The following LYZL2 variants were observed in gnomAD, a reference collection of about 807,000 sequenced individuals.
The protein encoded by LYZL2 is lysozyme-like protein 2.
A neutral mutation model predicts 17.1 loss-of-function variants in LYZL2; 13 were observed. The ratio of observed to expected loss-of-function variants is 0.76; its 90% CI spans 0.49 to 1.21. LYZL2 has a LOEUF of 1.21. Among genes scored for constraint, LYZL2 ranks in the 50% most tolerant of loss-of-function variants. The probability of loss-of-function intolerance (pLI) is 0.00; values close to 1 mark genes in which losing one functional copy is unlikely to be tolerated. For synonymous variants in LYZL2, 63 were observed against 74.4 expected (o/e 0.85, Z 0.79); for missense variants, 166 against 189.2 (o/e 0.88, Z 0.72).
At chr10:30,612,795 C>T in intron 4 of LYZL2, 27 bp downstream of exon 4, 1 of 1,461,316 alleles carries the variant, frequency 6.8e-7, no homozygotes, top group Non-Finnish European at 9.1e-7. Context: ...CCATGACAGC[C>T]CAAGTCTTCC....
intron 3 of LYZL2, among the ~76,000 whole-genome samples, chr10:30,615,327 A>G (rs551043508): frequency 2.3e-4 from 35 of 152,354 alleles, no homozygotes; most frequent in Admixed American, 1.3e-3. Flanking sequence ...TGCAAAATCT[A>G]CAAAAGTTGA....
chr10:30,610,425 C>T (rs1472999399), downstream of LYZL2, among the ~76,000 whole-genome samples: 3 of 152,088 alleles, frequency 2.0e-5, no homozygotes, highest in Non-Finnish European at 2.9e-5. Context: ...CCATCATCCT[C>T]AGCACACTAA....
intron 3 of LYZL2, among the ~76,000 whole-genome samples, chr10:30,615,625 A>T (rs61846093): frequency 0.01 from 1,586 of 152,324 alleles, 27 homozygotes; most frequent in African/African-American, 0.036. Flanking sequence ...TCATTTCCCA[A>T]TGTATAAATA....
At chr10:30,607,167 C>T (rs76212443), downstream of LYZL2, among the ~76,000 whole-genome samples, 14 of 5,842 alleles carry the variant, frequency 2.4e-3, no homozygotes, top group African/African-American at 0.012. Context: ...CCGCCTTGGC[C>T]TCCCAAAGTG....
chr10:30,620,707 A>C (rs1439652799), intron 3 of LYZL2, among the ~76,000 whole-genome samples: 1 of 152,256 alleles, frequency 6.6e-6, no homozygotes, highest in East Asian at 1.9e-4. Flanking sequence ...TTAGCTGATA[A>C]GAAATTTAAA....
intron 3 of LYZL2, among the ~76,000 whole-genome samples, chr10:30,621,588 C>G (rs1564409033): frequency 6.6e-6 from 1 of 151,882 alleles, no homozygotes; most frequent in Non-Finnish European, 1.5e-5. Flanking sequence ...GACCCTGTCT[C>G]AAAACAACAA....
intron 2 of LYZL2, 31 bp downstream of exon 2, chr10:30,626,746 C>T (rs1346667411): frequency 6.2e-7 from 1 of 1,613,502 alleles, no homozygotes; most frequent in Non-Finnish European, 8.5e-7. Flanking sequence ...AGGTCAAGGA[C>T]AGAAAGAGAG....
At chr10:30,628,825 G>A (rs1326719238) in intron 1 of LYZL2, among the ~76,000 whole-genome samples, 1 of 152,204 alleles carries the variant, frequency 6.6e-6, no homozygotes, top group Admixed American at 6.5e-5. Flanking sequence ...TGCATGAGGG[G>A]CATGTACATT....
At chr10:30,615,191 A>G (rs1251278566) in intron 3 of LYZL2, among the ~76,000 whole-genome samples, 1 of 152,238 alleles carries the variant, frequency 6.6e-6, no homozygotes, top group Non-Finnish European at 1.5e-5. Flanking sequence ...AGAGAGTGGA[A>G]TATTATTCAG....
downstream of LYZL2, among the ~76,000 whole-genome samples, chr10:30,611,577 AAG>A (rs1487530645): frequency 3.5e-5 from 4 of 115,010 alleles, no homozygotes; most frequent in African/African-American, 1.4e-4. Context: ...GAAGGAAAGA[AAG>A]AAAGAAAGAA....
chr10:30,611,575 GAAAGAAAGAAAGAAAGAAAGAAA>G (rs1838438747), downstream of LYZL2, among the ~76,000 whole-genome samples: 2 of 97,750 alleles, frequency 2.0e-5, no homozygotes, highest in African/African-American at 8.9e-5. Context: ...AGGAAGGAAA[GAAAGAAAGAAAGAAAGAAAGAAA>G]GAAAGAAAGA....
At chr10:30,621,273 C>T (rs1033055569) in intron 3 of LYZL2, among the ~76,000 whole-genome samples, 3 of 152,116 alleles carry the variant, frequency 2.0e-5, no homozygotes, top group Admixed American at 2.0e-4. Flanking sequence ...AGCCAGAAAG[C>T]AACCGAATAT....
chr10:30,606,800 T>A (rs1395700904), downstream of LYZL2, among the ~76,000 whole-genome samples: 1 of 152,118 alleles, frequency 6.6e-6, no homozygotes, highest in Non-Finnish European at 1.5e-5. Flanking sequence ...GGAGCTACAG[T>A]AAGGGCATGT....
intron 3 of LYZL2, among the ~76,000 whole-genome samples, chr10:30,614,188 C>T (rs1425539067): frequency 1.3e-5 from 2 of 152,216 alleles, no homozygotes; most frequent in Non-Finnish European, 2.9e-5. Context: ...AAGTTGAGTC[C>T]TCCAGGAGCT....
At position 30,612,048 on chromosome 10, in the gene LYZL2, G is replaced by A. The variant is rs1377150687; in HGVS notation, c.378-24C>T. On this transcript the variant is annotated intron_variant, in intron 4 of 4. Coordinates refer to ENST00000647634, the MANE Select transcript of LYZL2 (RefSeq NM_183058.3). ...GCCTGAGGACGAGAGGGAAGCAAGA[G>A]CAGCAGAAAGAAGCGTGACAATCCA... 3.7e-6 allele frequency: 6 copies of A among 1,612,060 alleles called. No individual in the cohort carries two copies. The Middle Eastern group carries it at 5.0e-4, about 133-fold the overall frequency.
intron 3 of LYZL2, among the ~76,000 whole-genome samples, chr10:30,617,186 T>C (rs400913): frequency 0.75 from 114,146 of 151,982 alleles, 43,269 homozygotes; most frequent in Middle Eastern, 0.82. Context: ...GTACAGAAAG[T>C]GCACATTTGT....
At chr10:30,620,063 C>A (rs1838596152) in intron 3 of LYZL2, among the ~76,000 whole-genome samples, 1 of 152,152 alleles carries the variant, frequency 6.6e-6, no homozygotes, top group Non-Finnish European at 1.5e-5. Flanking sequence ...GTAATATCAT[C>A]TTCTACAAGG....
At chr10:30,616,445 G>A (rs1233880247) in intron 3 of LYZL2, among the ~76,000 whole-genome samples, 1 of 152,230 alleles carries the variant, frequency 6.6e-6, no homozygotes, top group Non-Finnish European at 1.5e-5. Flanking sequence ...AGCACTTTGG[G>A]AGGCTGAGGC....
At chr10:30,609,030 G>A (rs990284631), downstream of LYZL2, among the ~76,000 whole-genome samples, 6 of 152,108 alleles carry the variant, frequency 3.9e-5, no homozygotes, top group African/African-American at 1.4e-4. Context: ...TGTAGAGATG[G>A]GGTCTCATTG....
Sources: gnomAD v4.1 joint callset for allele counts (sites outside exome capture counted in the v4.1 genomes callset) on GRCh38, gnomAD v4.1.1 for gene constraint, MANE v1.5 for transcripts, NCBI Gene and HGNC (gene_info 2026-07-23, HGNC 2026-07-21) for gene names.